Variants in SHQ1 observed in about 807,000 individuals in gnomAD.
SHQ1 encodes protein SHQ1 homolog.
In SHQ1, 49 loss-of-function variants were observed where a neutral mutation model predicts 53.8. The ratio of observed to expected loss-of-function variants is 0.91; its 90% confidence interval spans 0.72 to 1.16. The LOEUF is 1.16. Ranked by LOEUF, SHQ1 falls within the 50% of genes most tolerant of loss-of-function variation. SHQ1 has a pLI of 0.00. For synonymous variants in SHQ1, 243 were observed against 251.0 expected (o/e 0.97, Z 0.30); for missense variants, 738 against 683.1 (o/e 1.08, Z -0.90).
In SHQ1 at chr3:72,793,000, T is replaced by G; in HGVS notation, c.1097A>C (p.His366Pro). ...SAVLKCLLDIHKIFQENDPAY... is the reference protein window; with the variant it reads ...SAVLKCLLDIPKIFQENDPAY... ...TGGGTCATTTTCCTGAAAAATTTTGTGAATATCCAGGAGACACTTTAAAAC... is the reference window on the plus strand; with the variant it reads ...TGGGTCATTTTCCTGAAAAATTTTGGGAATATCCAGGAGACACTTTAAAAC... The change falls in exon 10 of 11, where the codon CAC becomes CCC. Residue 366 changes from histidine to proline, a missense_variant. Transcript: ENST00000325599. The G allele has an allele frequency of 6.2e-7, 1 of 1,612,146 alleles. No homozygotes were observed. The highest frequency in any genetic ancestry group is 8.5e-7 in the Non-Finnish European group (1 of 1,178,784).
At chr3:72,807,021 T>C (rs1706972916) in intron 9 of SHQ1, among the ~76,000 whole-genome samples, 1 of 152,238 alleles carries the variant, frequency 6.6e-6, no homozygotes, top group African/African-American at 2.4e-5. Context: ...CAGGGTGCTT[T>C]GTATGGACTG....
At chr3:72,790,869 T>C (rs1706410799) in intron 10 of SHQ1, among the ~76,000 whole-genome samples, 1 of 152,198 alleles carries the variant, frequency 6.6e-6, no homozygotes, top group Non-Finnish European at 1.5e-5. Context: ...GAAGAGTTCC[T>C]GCTGGTTTCT....
chr3:72,793,232 G>A, intron 9 of SHQ1, 196 bp from the exon 10 acceptor site: 1 of 444,868 alleles, frequency 2.2e-6, no homozygotes, highest in South Asian at 2.8e-5. Flanking sequence ...CTTTGGCCAG[G>A]CACAGTGGCT....
the SHQ1 span, among the ~76,000 whole-genome samples, chr3:72,727,056 C>G: frequency 6.6e-6 from 1 of 152,136 alleles, no homozygotes; most frequent in African/African-American, 2.4e-5. Flanking sequence ...ACATCTCTGC[C>G]AAACTCCTGC....
chr3:72,801,986 C>T (rs1253958162), intron 9 of SHQ1, among the ~76,000 whole-genome samples: 2 of 152,120 alleles, frequency 1.3e-5, no homozygotes, highest in South Asian at 4.1e-4. Context: ...GCTGTGCAGC[C>T]CAGAGTTTGC....
chr3:72,738,365 T>C, the SHQ1 span, among the ~76,000 whole-genome samples: 2 of 152,190 alleles, frequency 1.3e-5, no homozygotes, highest in Non-Finnish European at 2.9e-5. Flanking sequence ...TGGCATTTGG[T>C]TCCAGGAAGG....
Position 72,800,396 on chromosome 3 carries a change from T to C in SHQ1, c.1061-7360A>G, listed in dbSNP as rs141829660. Among the ~76,000 whole-genome samples the C allele has an allele frequency of 6.5e-3, 987 of 152,326 alleles. 5 individuals carry two copies. The highest frequency in any genetic ancestry group is 0.01 in the Non-Finnish European group (701 of 68,018). ...AATTACATGATTTAACCCTACGAGT[T>C]AGGTACTTTCTTCCTTGTTTCATAA... On this transcript the variant is annotated intron_variant, in intron 9 of 10. Transcript: ENST00000325599.
rs1705341433 is a variant in SHQ1, at chr3:72,750,467, C to CAGGATGCTGTGT, written c.1550_1551insACACAGCATCCT (p.Glu517_Ser518insHisSerIleLeu). 1 of 1,614,040 alleles carries CAGGATGCTGTGT rather than the reference C, an allele frequency of 6.2e-7. No homozygotes were observed. The highest frequency in any genetic ancestry group is 1.3e-5 in the African/African-American group (1 of 74,906). The stretch of plus-strand genomic sequence containing the variant: ...GTGGCTTTCCCTGACTGGCATCAGA[C>CAGGATGCTGTGT]TCCTGGATGGCTGTGTTTCTGCGTA... On this transcript the variant is annotated inframe_insertion, in exon 11 of 11. Transcript: ENST00000325599.
intron 1 of SHQ1, among the ~76,000 whole-genome samples, chr3:72,847,201 A>G (rs949382233): frequency 1.3e-5 from 2 of 152,240 alleles, no homozygotes; most frequent in African/African-American, 4.8e-5. Context: ...TAATTCAAAT[A>G]CGGACGTTAT....
chr3:72,824,265 T>C (rs1707575501), intron 6 of SHQ1, among the ~76,000 whole-genome samples, 159 bp downstream of exon 6: 1 of 151,814 alleles, frequency 6.6e-6, no homozygotes. Flanking sequence ...CATTTTCCAG[T>C]CAGGGGCAAA....
Position 72,824,515 on chromosome 3 carries a change from A to T in SHQ1, c.636T>A (p.Ile212=), listed in dbSNP as rs1168438470. Residue 212 remains isoleucine, a synonymous_variant, in exon 6 of 11, where the codon ATT becomes ATA. Transcript: ENST00000325599. The part of the protein sequence containing the change: ...DFFEDEAIEQ[I]LKYNPWWTDK... Reference sequence around the variant, plus strand: ...CAGTCCACCAAGGATTATACTTCAAAATCTGTTCAATCGCCTCATCTTCAA... The same window carrying T: ...CAGTCCACCAAGGATTATACTTCAATATCTGTTCAATCGCCTCATCTTCAA... The T allele has an allele frequency of 6.2e-7, 1 of 1,611,542 alleles. No individual in the cohort carries two copies. Among genetic ancestry groups the T allele is most frequent in the Non-Finnish European group, 8.5e-7 (1 of 1,179,238 alleles).
At chr3:72,831,491 A>G (rs1707817919) in intron 5 of SHQ1, among the ~76,000 whole-genome samples, 1 of 152,246 alleles carries the variant, frequency 6.6e-6, no homozygotes, top group South Asian at 2.1e-4. Context: ...TGAAAACTGA[A>G]TAATCACATG....
At chr3:72,772,517 G>T in intron 10 of SHQ1, 1 of 614,550 alleles carries the variant, frequency 1.6e-6, no homozygotes, top group South Asian at 1.5e-5. Context: ...ACAGTGATAT[G>T]ACAAGTCGTA....
rs190054947 is a variant in SHQ1 at position 72,830,033 on chromosome 3, G to A, written c.599+2336C>T. 2.0e-3 allele frequency among the ~76,000 whole-genome samples: 293 copies of A among 146,630 alleles called. 2 individuals are homozygous for A. The highest frequency in any genetic ancestry group is 7.0e-3 in the African/African-American group (276 of 39,536). Reference sequence around the variant, plus strand: ...AATACCCCAAAGGAATTACAAATAAGAAATGGATAATAAAAAACAATCAAC... The same window carrying A: ...AATACCCCAAAGGAATTACAAATAAAAAATGGATAATAAAAAACAATCAAC... On this transcript the variant is annotated intron_variant, in intron 5 of 10. Transcript: ENST00000325599.
intron 8 of SHQ1, among the ~76,000 whole-genome samples, chr3:72,815,122 C>T (rs76656840): frequency 0.013 from 2,032 of 152,170 alleles, 38 homozygotes; most frequent in African/African-American, 0.046. Flanking sequence ...TCCCAACAAA[C>T]CATGTCTCCA....
chr3:72,814,724 T>C (rs929949646), intron 8 of SHQ1, among the ~76,000 whole-genome samples: 3 of 152,196 alleles, frequency 2.0e-5, no homozygotes, highest in African/African-American at 7.2e-5. Flanking sequence ...AAAGATATTA[T>C]CTTTGGTATT....
intron 10 of SHQ1, among the ~76,000 whole-genome samples, chr3:72,775,555 G>C (rs1209657994): frequency 6.7e-6 from 1 of 150,118 alleles, no homozygotes; most frequent in Non-Finnish European, 1.5e-5. Context: ...AAAAGGCAAT[G>C]TTAAGTCATT....
chr3:72,838,745 C>T (rs1708071821), intron 4 of SHQ1, among the ~76,000 whole-genome samples: 1 of 152,182 alleles, frequency 6.6e-6, no homozygotes, highest in African/African-American at 2.4e-5. Context: ...CCTGCCTCAG[C>T]CTCCCAAAGT....
chr3:72,775,407 A>G (rs1705938693), intron 10 of SHQ1, among the ~76,000 whole-genome samples: 1 of 152,022 alleles, frequency 6.6e-6, no homozygotes, highest in Non-Finnish European at 1.5e-5. Flanking sequence ...ACAATTAGAA[A>G]ATCTGAATAA....
Sources: gnomAD v4.1 joint callset for allele counts (sites outside exome capture counted in the v4.1 genomes callset) on GRCh38, gnomAD v4.1.1 for gene constraint, MANE v1.5 for transcripts, NCBI Gene and HGNC (gene_info 2026-07-23, HGNC 2026-07-21) for gene names.